Variants in IGSF21 observed in about 807,000 individuals in gnomAD.
IGSF21 encodes immunoglobin superfamily member 21.
In IGSF21, 28 loss-of-function variants were observed where a neutral mutation model predicts 46.8. The observed-to-expected ratio is 0.60, with a 90% confidence interval of 0.44 to 0.82. The LOEUF is 0.82. Ranked by LOEUF, IGSF21 falls within the 40% of genes least tolerant of loss-of-function variation. The probability of loss-of-function intolerance (pLI) is 0.00; values close to 1 mark genes in which losing one functional copy is unlikely to be tolerated. For missense variants in IGSF21, 624 were observed against 665.5 expected (o/e 0.94, Z 0.69); for synonymous variants, 284 against 273.6 (o/e 1.04, Z -0.38).
chr1:18,322,963 G>A lies in IGSF21; in HGVS notation c.306-11929G>A, dbSNP rs574761488. On this transcript the variant is annotated intron_variant, in intron 3 of 9. Coordinates refer to ENST00000251296, the MANE Select transcript of IGSF21 (RefSeq NM_032880.5). The surrounding 1 kb of genome is among the most constrained non-coding windows in gnomAD (Gnocchi z 4.3). ...AGATGGAGGGTGGGAATGGGGAAGC[G>A]GGTTCAGGGCCCAAGGTGAACAGCA... 9.9e-5 allele frequency among the ~76,000 whole-genome samples: 15 copies of A among 152,254 alleles called. No individual in the cohort carries two copies. The highest frequency in any genetic ancestry group is 1.9e-4 in the East Asian group (1 of 5,166).
At chr1:18,130,161 A>G (rs910694503) in intron 1 of IGSF21, among the ~76,000 whole-genome samples, 1 of 152,072 alleles carries the variant, frequency 6.6e-6, no homozygotes. Context: ...AGCACTGGAC[A>G]CCACCCCCCA....
At chr1:18,161,942 G>C (rs763797286) in intron 1 of IGSF21, among the ~76,000 whole-genome samples, 8 of 152,124 alleles carry the variant, frequency 5.3e-5, no homozygotes, top group Non-Finnish European at 1.2e-4. Context: ...TGCAAAAGGG[G>C]ATCATCATAC....
intron 2 of IGSF21, among the ~76,000 whole-genome samples, chr1:18,264,601 G>A (rs2084974608): frequency 6.6e-6 from 1 of 152,118 alleles, no homozygotes; most frequent in African/African-American, 2.4e-5. Context: ...CTAGGCAAAG[G>A]GGTTAGAGTT....
At position 18,374,223 on chromosome 1, in the gene IGSF21, T is replaced by G. The variant is rs188901553; in HGVS notation, c.1016-2087T>G. ...TGTCTACAGCACTTGAGGGTTCATTTTAAAACCCAGAAACTTACTTGGGCT... is the reference window on the plus strand; with the variant it reads ...TGTCTACAGCACTTGAGGGTTCATTGTAAAACCCAGAAACTTACTTGGGCT... On this transcript the variant is annotated intron_variant, in intron 6 of 9. Coordinates refer to ENST00000251296, the MANE Select transcript of IGSF21 (RefSeq NM_032880.5). Among the ~76,000 whole-genome samples the G allele has an allele frequency of 1.6e-4, 24 of 152,338 alleles. No individual in the cohort carries two copies. In the East Asian group the frequency reaches 4.4e-3, roughly 28 times the overall value.
intron 2 of IGSF21, among the ~76,000 whole-genome samples, chr1:18,278,531 T>TTTGTTTG (rs2085126460): frequency 2.1e-5 from 3 of 140,786 alleles, no homozygotes; most frequent in African/African-American, 5.4e-5. Flanking sequence ...GTAAGGTTTT[T>TTTGTTTG]TTTGTTTGTT....
intron 3 of IGSF21, among the ~76,000 whole-genome samples, chr1:18,318,249 TG>T (rs1479935009): frequency 6.6e-6 from 1 of 152,076 alleles, no homozygotes; most frequent in Admixed American, 6.5e-5. Flanking sequence ...AATTTGCAGG[TG>T]GGTAGACAGT....
At chr1:18,318,028 C>A (rs1344435043) in intron 3 of IGSF21, among the ~76,000 whole-genome samples, 4 of 152,180 alleles carry the variant, frequency 2.6e-5, no homozygotes. Context: ...CAGGCCCTAG[C>A]AGTGGGGGCT....
In IGSF21 at chr1:18,334,820, T is replaced by G; in HGVS notation, c.306-72T>G. 51 of 1,082,090 alleles carry G rather than the reference T, an allele frequency of 4.7e-5. No homozygotes were observed. The highest frequency in any genetic ancestry group is 7.0e-5 in the Non-Finnish European group (49 of 701,706). The allele number at this position is 1,082,090 out of a possible 1,614,324, so 67.0% of individuals were successfully genotyped here. A position where few individuals can be genotyped will look rare whatever the true frequency, so the allele number is the denominator to read the frequency against. ...GAGGCTGCACCAGTGGGCATCAGGA[T>G]GAGTTTCCTTGAACGCTGCCTCACC... On this transcript the variant is annotated intron_variant, in intron 3 of 9. Transcript: ENST00000251296. The surrounding 1 kb of genome is among the most constrained non-coding windows in gnomAD (Gnocchi z 4.3).
intron 2 of IGSF21, 118 bp downstream of exon 2, chr1:18,228,128 T>C (rs901643643): frequency 1.3e-6 from 1 of 745,502 alleles, no homozygotes; most frequent in Non-Finnish European, 2.3e-6. Context: ...CAGTCCTGAG[T>C]TGTCCTGGGC....
chr1:18,228,580 A>C (rs909084957), intron 2 of IGSF21, among the ~76,000 whole-genome samples: 1 of 152,162 alleles, frequency 6.6e-6, no homozygotes, highest in Non-Finnish European at 1.5e-5. Flanking sequence ...TCTTGAGCAC[A>C]AGGGGCCTTT....
At chr1:18,328,553 G>T (rs771824251) in intron 3 of IGSF21, among the ~76,000 whole-genome samples, 3 of 152,132 alleles carry the variant, frequency 2.0e-5, no homozygotes, top group Non-Finnish European at 4.4e-5. Flanking sequence ...CACCACAAGC[G>T]GTGCATGGTA....
chr1:18,287,414 CA>C (rs201797715), intron 2 of IGSF21, among the ~76,000 whole-genome samples: 1 of 150,608 alleles, frequency 6.6e-6, no homozygotes, highest in African/African-American at 2.5e-5. Context: ...AACAAACAAA[CA>C]AAACAAAAAA....
In IGSF21 at chr1:18,322,384, G is replaced by C. The variant is rs1305678172; in HGVS notation, c.306-12508G>C. 6.6e-6 allele frequency among the ~76,000 whole-genome samples: 1 copy of C among 152,098 alleles called. No individual in the cohort carries two copies. Among genetic ancestry groups the C allele is most frequent in the Admixed American group, 6.5e-5 (1 of 15,274 alleles). On this transcript the variant is annotated intron_variant, in intron 3 of 9. Transcript: ENST00000251296. This position sits in a 1 kb window ranked among gnomAD's most constrained non-coding sequence, Gnocchi z 4.3. ...GTCTTCCCTCTTCTGGTGGAGGCAGGCTTGGTTCCAACAGGCTTGGGGCCT... is the reference window on the plus strand; with the variant it reads ...GTCTTCCCTCTTCTGGTGGAGGCAGCCTTGGTTCCAACAGGCTTGGGGCCT...
At chr1:18,353,199 A>T (rs532864771) in intron 4 of IGSF21, among the ~76,000 whole-genome samples, 1 of 151,220 alleles carries the variant, frequency 6.6e-6, no homozygotes. Context: ...TAATTTTCCC[A>T]TAAACCAAAG....
intron 2 of IGSF21, among the ~76,000 whole-genome samples, chr1:18,242,750 G>T (rs2084744798): frequency 6.6e-6 from 1 of 152,190 alleles, no homozygotes. Context: ...GAAATCGCAG[G>T]CTCTAATTTA....
intron 3 of IGSF21, among the ~76,000 whole-genome samples, chr1:18,319,711 T>C (rs1366862177): frequency 6.6e-6 from 1 of 152,242 alleles, no homozygotes; most frequent in Non-Finnish European, 1.5e-5. Flanking sequence ...CACCAGATGT[T>C]ACTTGTCTCC....
intron 1 of IGSF21, among the ~76,000 whole-genome samples, chr1:18,191,295 G>C (rs1313947370): frequency 1.3e-5 from 2 of 152,146 alleles, no homozygotes; most frequent in Admixed American, 6.6e-5. Flanking sequence ...TTACTATGGG[G>C]ATCCCTTGAG....
intron 3 of IGSF21, among the ~76,000 whole-genome samples, chr1:18,323,633 C>T (rs550710166): frequency 5.3e-5 from 8 of 151,966 alleles, no homozygotes; most frequent in South Asian, 2.1e-4. Context: ...CTCCCTGAAG[C>T]GGGTGAGGGG....
rs1201071580 is a variant in IGSF21 at position 18,322,851 on chromosome 1, G to A, written c.306-12041G>A. Among the ~76,000 whole-genome samples, 2 of 152,216 alleles carry A rather than the reference G, an allele frequency of 1.3e-5. No homozygotes were observed. Among genetic ancestry groups the A allele is most frequent in the Non-Finnish European group, 2.9e-5 (2 of 68,042 alleles). ...GAAAAGAGGCCTGGAGAGGAAGCCG[G>A]TGGAGAAGAGCGGGAGATGTCGGAA... is the stretch of plus-strand genomic sequence containing the variant. On this transcript the variant is annotated intron_variant, in intron 3 of 9. Coordinates refer to ENST00000251296, the MANE Select transcript of IGSF21 (RefSeq NM_032880.5). The surrounding 1 kb of genome is among the most constrained non-coding windows in gnomAD (Gnocchi z 4.3).
Sources: gnomAD v4.1 joint callset for allele counts (sites outside exome capture counted in the v4.1 genomes callset) on GRCh38, gnomAD v4.1.1 for gene constraint, Gnocchi (gnomAD v3.1) non-coding constraint, MANE v1.5 for transcripts, NCBI Gene and HGNC (gene_info 2026-07-23, HGNC 2026-07-21) for gene names.